Variants in NUF2 observed in about 807,000 individuals in gnomAD.
NUF2 encodes kinetochore protein Nuf2.
Under a neutral mutation model 61.8 loss-of-function variants are expected in NUF2, and 34 were observed. That is an observed-to-expected ratio of 0.55 (90% CI 0.42 to 0.73). NUF2 has a LOEUF of 0.73. NUF2 is among the 30% of genes least tolerant of loss of function. NUF2 has a pLI of 0.00. For missense variants in NUF2, 445 were observed against 539.1 expected (o/e 0.83, Z 1.73); for synonymous variants, 172 against 181.6 (o/e 0.95, Z 0.42).
chr1:163,343,918 T>G (rs779477085), intron 10 of NUF2, 48 bp downstream of exon 10: 18 of 1,159,850 alleles, frequency 1.6e-5, no homozygotes, highest in Non-Finnish European at 2.1e-5. Flanking sequence ...AAAAAAAAAT[T>G]AGCAAATTCT....
At chr1:163,332,494 C>T (rs11799898) in intron 5 of NUF2, among the ~76,000 whole-genome samples, 63,166 of 151,808 alleles carry the variant, frequency 0.42, 13,519 homozygotes, top group South Asian at 0.59. Context: ...TTCTAGTGGT[C>T]AGAAGTTCAA....
intron 3 of NUF2, chr1:163,327,957 C>A: frequency 2.6e-6 from 1 of 379,820 alleles, no homozygotes; most frequent in Non-Finnish European, 4.7e-6. Flanking sequence ...TGAAATGAGG[C>A]AACTGAGCTT....
intron 5 of NUF2, among the ~76,000 whole-genome samples, chr1:163,332,904 C>T (rs984331720): frequency 2.6e-5 from 4 of 152,144 alleles, no homozygotes; most frequent in Non-Finnish European, 5.9e-5. Flanking sequence ...ATTCAGCCCA[C>T]CACATGGTCT....
chr1:163,335,456 C>G (rs918046836), intron 5 of NUF2, among the ~76,000 whole-genome samples: 2 of 152,060 alleles, frequency 1.3e-5, no homozygotes, highest in Non-Finnish European at 2.9e-5. Flanking sequence ...CTTTGTTTCT[C>G]TCTATATAAT....
rs1162637755 is a variant in NUF2, at chr1:163,340,774, T to C, written c.669+348T>C. Among the ~76,000 whole-genome samples the C allele has an allele frequency of 3.9e-5, 6 of 152,200 alleles. No homozygotes were observed. In the South Asian group the frequency reaches 8.3e-4, roughly 21 times the overall value. The stretch of plus-strand genomic sequence containing the variant: ...TCTCCACTTAGCGATATAATACAGT[T>C]ATGAATTTTAAATAGATCCTCATTA... On this transcript the variant is annotated intron_variant, in intron 9 of 13. Coordinates refer to ENST00000271452, the MANE Select transcript of NUF2 (RefSeq NM_145697.3).
chr1:163,340,799 A>G (rs58919282), intron 9 of NUF2, among the ~76,000 whole-genome samples: 1 of 152,188 alleles, frequency 6.6e-6, no homozygotes, highest in Non-Finnish European at 1.5e-5. Flanking sequence ...GATCCTCATT[A>G]TATTAATGCT....
chr1:163,336,342 C>T (rs2101676472), intron 5 of NUF2, among the ~76,000 whole-genome samples: 1 of 152,204 alleles, frequency 6.6e-6, no homozygotes, highest in Middle Eastern at 3.4e-3. Flanking sequence ...TATTTGTGTT[C>T]TCTTTCTCTG....
At chr1:163,347,490 T>TAG (rs1651171989) in intron 11 of NUF2, among the ~76,000 whole-genome samples, 1 of 152,208 alleles carries the variant, frequency 6.6e-6, no homozygotes, top group South Asian at 2.1e-4. Context: ...CCCTCAACTC[T>TAG]AGTCTCTTAG....
intron 13 of NUF2, among the ~76,000 whole-genome samples, chr1:163,352,833 T>A (rs1023094740): frequency 6.6e-6 from 1 of 151,556 alleles, no homozygotes; most frequent in East Asian, 1.9e-4. Flanking sequence ...ACCACTGCAC[T>A]CCAGCCTGGG....
intron 13 of NUF2, among the ~76,000 whole-genome samples, chr1:163,352,346 A>C (rs887764949): frequency 1.1e-4 from 16 of 152,208 alleles, no homozygotes; most frequent in Admixed American, 3.3e-4. Context: ...TTCTGCATCA[A>C]ATATGCCTTG....
chr1:163,347,732 G>T, intron 11 of NUF2, 31 bp from the exon 12 acceptor site: 2 of 1,370,108 alleles, frequency 1.5e-6, no homozygotes, highest in East Asian at 2.6e-5. Flanking sequence ...AATTGGTTAT[G>T]TTGACTTTAA....
At chr1:163,322,664 A>G (rs1030940235) in intron 1 of NUF2, among the ~76,000 whole-genome samples, 5 of 152,186 alleles carry the variant, frequency 3.3e-5, no homozygotes, top group Non-Finnish European at 7.3e-5. Context: ...TGGAACTGTG[A>G]TGTCCACAAA....
rs537673314 is a variant in NUF2 at position 163,335,767 on chromosome 1, C to G, written c.338-984C>G. ...TGCTGTTTGATATTGTCTCTCAGCT[C>G]ACAGATATTGTATTCATTTTTTTCT... On this transcript the variant is annotated intron_variant, in intron 5 of 13. Coordinates refer to ENST00000271452, the MANE Select transcript of NUF2 (RefSeq NM_145697.3). Among the ~76,000 whole-genome samples the G allele has an allele frequency of 2.6e-5, 4 of 152,202 alleles. No homozygotes were observed. The East Asian group carries it at 5.8e-4, about 22-fold the overall frequency.
intron 5 of NUF2, among the ~76,000 whole-genome samples, chr1:163,334,640 G>A (rs754089078): frequency 6.6e-6 from 1 of 152,108 alleles, no homozygotes; most frequent in Non-Finnish European, 1.5e-5. Context: ...TGAGCCAGAT[G>A]TGGTGATGCA....
In NUF2 at chr1:163,355,453, T is replaced by G. The variant is rs933948175; in HGVS notation, c.1379T>G (p.Phe460Cys). Residue 460 changes from phenylalanine to cysteine, a missense_variant, in exon 14 of 14, where the codon TTC (phenylalanine) becomes TGC (cysteine). Phe to Cys is a radical substitution (Grantham distance 205). Transcript: ENST00000271452. Reference sequence around the variant, plus strand: ...ACAGCTGAACTGAAGAGGAAGATGTTCAAAATGTCAACCTGATTAACAAAA... The same window carrying G: ...ACAGCTGAACTGAAGAGGAAGATGTGCAAAATGTCAACCTGATTAACAAAA... ...EKTAELKRKMFKMST is the reference protein window; with the variant it reads ...EKTAELKRKMCKMST 1 of 1,593,570 alleles carries G rather than the reference T, an allele frequency of 6.3e-7. No homozygotes were observed. The highest frequency in any genetic ancestry group is 1.4e-5 in the African/African-American group (1 of 73,972).
chr1:163,339,043 G>A (rs1372807298), intron 7 of NUF2, among the ~76,000 whole-genome samples: 4 of 152,120 alleles, frequency 2.6e-5, no homozygotes, highest in Admixed American at 2.6e-4. Flanking sequence ...GGGAGTAAGA[G>A]TTGTGAGGCA....
At position 163,338,025 on chromosome 1, in the gene NUF2, C is replaced by G; in HGVS notation, c.441C>G (p.Ser147=). ...TYMEFLWQYK[S]SADKMQQLNA... is the part of the protein sequence containing the mutation. ...GATTAAAATTGCTTTAATAGAAATCCTCTGCGGACAAAATGCAACAGTTAA... is the reference window on the plus strand; with the variant it reads ...GATTAAAATTGCTTTAATAGAAATCGTCTGCGGACAAAATGCAACAGTTAA... The change falls in exon 7 of 14, where the codon TCC becomes TCG. Residue 147 remains serine, a synonymous_variant. Transcript: ENST00000271452. The G allele has an allele frequency of 6.2e-7, 1 of 1,612,202 alleles. No individual in the cohort carries two copies. Among genetic ancestry groups the G allele is most frequent in the Non-Finnish European group, 8.5e-7 (1 of 1,178,710 alleles).
chr1:163,350,956 C>T (rs1303209940), intron 13 of NUF2, among the ~76,000 whole-genome samples: 1 of 152,060 alleles, frequency 6.6e-6, no homozygotes, highest in Admixed American at 6.5e-5. Context: ...CTATAGTCAG[C>T]CCAGATCTTC....
At chr1:163,353,084 C>T (rs1245884321) in intron 13 of NUF2, among the ~76,000 whole-genome samples, 1 of 152,114 alleles carries the variant, frequency 6.6e-6, no homozygotes, top group Non-Finnish European at 1.5e-5. Flanking sequence ...AAATTAATTA[C>T]AGTGAAATAA....
Sources: gnomAD v4.1 joint callset for allele counts (sites outside exome capture counted in the v4.1 genomes callset) on GRCh38, gnomAD v4.1.1 for gene constraint, MANE v1.5 for transcripts, NCBI Gene and HGNC (gene_info 2026-07-23, HGNC 2026-07-21) for gene names.